Variants in KCNIP4 observed in about 807,000 individuals in gnomAD.
KCNIP4 encodes Kv channel-interacting protein 4.
In KCNIP4, 12 loss-of-function variants were observed where a neutral mutation model predicts 34.0. The ratio of observed to expected loss-of-function variants is 0.35; its 90% CI spans 0.23 to 0.57. The LOEUF (loss-of-function observed/expected upper bound fraction) is 0.57. Ranked by LOEUF, KCNIP4 falls within the 20% of genes least tolerant of loss-of-function variation. The pLI is 0.83. For missense variants in KCNIP4, 238 were observed against 311.7 expected (o/e 0.76, Z 1.78); for synonymous variants, 124 against 102.2 (o/e 1.21, Z -1.29).
intron 5 of KCNIP4, among the ~76,000 whole-genome samples, chr4:20,743,054 G>C (rs1302708778): frequency 2.4e-5 from 3 of 123,364 alleles, no homozygotes; most frequent in Non-Finnish European, 3.4e-5. Flanking sequence ...TTATAAGGGT[G>C]TGAAGGACCC....
At chr4:20,893,351 T>C (rs932754274) in intron 1 of KCNIP4, among the ~76,000 whole-genome samples, 9 of 152,190 alleles carry the variant, frequency 5.9e-5, no homozygotes, top group Admixed American at 1.3e-4. Context: ...CAGGGAGAAC[T>C]CATTTGAATC....
intron 3 of KCNIP4, among the ~76,000 whole-genome samples, chr4:20,803,859 T>G (rs1172445943): frequency 6.6e-6 from 1 of 152,142 alleles, no homozygotes; most frequent in Non-Finnish European, 1.5e-5. Flanking sequence ...ATTTGATTTA[T>G]GAGAAAAAGG....
chr4:20,939,737 C>A (rs1450566014), intron 1 of KCNIP4, among the ~76,000 whole-genome samples: 1 of 152,108 alleles, frequency 6.6e-6, no homozygotes, highest in African/African-American at 2.4e-5. Flanking sequence ...TTGACTATAC[C>A]ACTTTCTTAC....
At chr4:21,472,635 T>A (rs1035593261) in intron 1 of KCNIP4, among the ~76,000 whole-genome samples, 1 of 152,188 alleles carries the variant, frequency 6.6e-6, no homozygotes. Flanking sequence ...CTGGTGTTTT[T>A]TCTTCCCCTT....
intron 1 of KCNIP4, among the ~76,000 whole-genome samples, chr4:21,289,606 G>A (rs1275292906): frequency 2.0e-5 from 3 of 152,096 alleles, no homozygotes; most frequent in Non-Finnish European, 4.4e-5. Context: ...TTAAAAAAAT[G>A]TATGAGATGT....
chr4:20,787,100 T>C (rs1008416966), intron 3 of KCNIP4, among the ~76,000 whole-genome samples: 2 of 152,156 alleles, frequency 1.3e-5, no homozygotes, highest in Non-Finnish European at 2.9e-5. Context: ...TATTGTGCAA[T>C]TGGCAAAGGG....
At chr4:21,436,662 T>C (rs1335929701) in intron 1 of KCNIP4, among the ~76,000 whole-genome samples, 1 of 152,200 alleles carries the variant, frequency 6.6e-6, no homozygotes, top group Non-Finnish European at 1.5e-5. Context: ...TTATTTAAAC[T>C]CTCTATACCT....
chr4:21,507,259 T>TTTTTA (rs1733923815), intron 1 of KCNIP4, among the ~76,000 whole-genome samples: 3 of 151,426 alleles, frequency 2.0e-5, no homozygotes, highest in Non-Finnish European at 4.4e-5. Context: ...AATGGCTTTA[T>TTTTTA]TTTTATTTTA....
At chr4:21,061,639 G>T (rs940927804) in intron 1 of KCNIP4, among the ~76,000 whole-genome samples, 1 of 152,072 alleles carries the variant, frequency 6.6e-6, no homozygotes, top group Non-Finnish European at 1.5e-5. Context: ...AGGAGAAAAA[G>T]ACTTTTATTT....
At chr4:21,535,477 T>C (rs1205694565) in intron 1 of KCNIP4, among the ~76,000 whole-genome samples, 1 of 152,176 alleles carries the variant, frequency 6.6e-6, no homozygotes, top group East Asian at 1.9e-4. Context: ...CTCTACTGAT[T>C]TTTTTATGAA....
chr4:21,474,088 T>C (rs1730703509), intron 1 of KCNIP4, among the ~76,000 whole-genome samples: 1 of 152,154 alleles, frequency 6.6e-6, no homozygotes, highest in Non-Finnish European at 1.5e-5. Flanking sequence ...CAGAACTTGA[T>C]GGAAAATTGG....
chr4:21,115,649 C>A (rs1046947222), intron 1 of KCNIP4, among the ~76,000 whole-genome samples: 5 of 152,108 alleles, frequency 3.3e-5, no homozygotes, highest in Non-Finnish European at 1.5e-5. Context: ...CAAAAGATTT[C>A]TGTTCTATAG....
intron 1 of KCNIP4, among the ~76,000 whole-genome samples, chr4:21,920,463 G>A (rs1199300811): frequency 1.3e-5 from 2 of 151,980 alleles, no homozygotes; most frequent in African/African-American, 4.8e-5. Flanking sequence ...TGGAGACTTT[G>A]GGGTGTTGTT....
intron 1 of KCNIP4, among the ~76,000 whole-genome samples, chr4:21,703,305 A>G (rs1202121195): frequency 6.6e-6 from 1 of 152,138 alleles, no homozygotes; most frequent in Non-Finnish European, 1.5e-5. Context: ...GAAATAAATA[A>G]AATCTTTCCA....
intron 1 of KCNIP4, among the ~76,000 whole-genome samples, chr4:21,890,142 G>T (rs192992289): frequency 6.6e-6 from 1 of 152,092 alleles, no homozygotes; most frequent in Non-Finnish European, 1.5e-5. Flanking sequence ...TTAATGCACC[G>T]TATGTTATAA....
At chr4:21,731,830 C>T (rs1380885498) in intron 1 of KCNIP4, among the ~76,000 whole-genome samples, 2 of 152,028 alleles carry the variant, frequency 1.3e-5, no homozygotes, top group African/African-American at 4.8e-5. Flanking sequence ...TTTCCATGTA[C>T]TAAAAGAATA....
Position 21,503,388 on chromosome 4 carries a change from C to T in KCNIP4, c.61+445183G>A, listed in dbSNP as rs549804964. ...ACATAACCTGTAGGTCCTTGAGGTA[C>T]ATATGCAAACAAAACTGTAATCATA... On this transcript the variant is annotated intron_variant, in intron 1 of 8. Coordinates refer to ENST00000382152, the MANE Select transcript of KCNIP4 (RefSeq NM_025221.6). 1.1e-4 allele frequency among the ~76,000 whole-genome samples: 17 copies of T among 152,250 alleles called. No homozygotes were observed. The South Asian group carries it at 3.3e-3, about 30-fold the overall frequency.
chr4:21,503,184 T>C (rs903786161), intron 1 of KCNIP4, among the ~76,000 whole-genome samples: 1 of 152,194 alleles, frequency 6.6e-6, no homozygotes, highest in Non-Finnish European at 1.5e-5. Flanking sequence ...AAAACTGAGC[T>C]ATAATTTTAC....
At chr4:21,520,220 CAG>C (rs1226916984) in intron 1 of KCNIP4, among the ~76,000 whole-genome samples, 3 of 152,086 alleles carry the variant, frequency 2.0e-5, no homozygotes, top group Middle Eastern at 3.2e-3. Flanking sequence ...CACCCTCACA[CAG>C]ACACACCCAG....
Sources: allele counts gnomAD v4.1 joint callset (sites outside exome capture counted in the v4.1 genomes callset), GRCh38; gene constraint gnomAD v4.1.1; transcripts MANE v1.5; gene names NCBI Gene and HGNC (gene_info 2026-07-23, HGNC 2026-07-21).